Variants in WASHC5 observed in about 807,000 individuals in gnomAD.
WASHC5 encodes WASH complex subunit strumpellin.
In WASHC5, 101 loss-of-function variants were observed where a neutral mutation model predicts 150.4. The ratio of observed to expected loss-of-function variants is 0.67; its 90% CI spans 0.57 to 0.79. The LOEUF is 0.79. Among genes scored for constraint, WASHC5 ranks in the 30% least tolerant of loss-of-function variants. WASHC5 has a pLI of 0.00. For missense variants in WASHC5, 1,195 were observed against 1,396.3 expected, an observed-to-expected ratio of 0.86 and a Z score of 2.30; for synonymous variants, 467 against 491.2, an observed-to-expected ratio of 0.95 and a Z score of 0.65.
intron 21 of WASHC5, 60 bp from the exon 22 acceptor site, chr8:125,044,154 C>T (rs765858725): frequency 1.8e-6 from 2 of 1,118,902 alleles, no homozygotes; most frequent in Non-Finnish European, 2.7e-6. Flanking sequence ...AGCAAATTCT[C>T]CAGTTACCTA....
In WASHC5 at chr8:125,043,836, C is replaced by A; in HGVS notation, c.2839G>T (p.Ala947Ser). The A allele has an allele frequency of 6.2e-7, 1 of 1,608,430 alleles. No homozygotes were observed. Among genetic ancestry groups the A allele is most frequent in the Non-Finnish European group, 8.5e-7 (1 of 1,174,992 alleles). The change falls in exon 23 of 29, where the codon GCT becomes TCT. Residue 947 changes from alanine (A) to serine (S), a missense_variant. Ala to Ser is a moderately conservative substitution (Grantham distance 99, BLOSUM62 1). Coordinates refer to ENST00000318410, the MANE Select transcript of WASHC5 (RefSeq NM_014846.4). ...CTTCTACAACATACCTTCATTATAG[C>A]CTCGAGATACGCAGTCCAAATCTTC... ...TQKIWTAYLEAIMKVGQMQIL... is the reference protein window; with the variant it reads ...TQKIWTAYLESIMKVGQMQIL...
intron 17 of WASHC5, among the ~76,000 whole-genome samples, chr8:125,053,868 C>T (rs1448176923): frequency 6.6e-6 from 1 of 152,066 alleles, no homozygotes; most frequent in Non-Finnish European, 1.5e-5. Context: ...CTTGGGAGAA[C>T]AAAATTAGAA....
At position 125,024,519 on chromosome 8, in the gene WASHC5, G is replaced by A. The variant is rs967335737; in HGVS notation, c.*98C>T. 1.1e-6 allele frequency: 1 copy of A among 893,034 alleles called. No homozygotes were observed. Among genetic ancestry groups the A allele is most frequent in the Non-Finnish European group, 1.9e-6 (1 of 527,194 alleles). The allele number at this position is 893,034 out of a possible 1,614,324, so 55.3% of individuals were successfully genotyped here. A position where few individuals can be genotyped will look rare whatever the true frequency, so the allele number is the denominator to read the frequency against. The stretch of plus-strand genomic sequence containing the variant: ...TCCCATAATAGACAGAAAAAATGCA[G>A]TTGTATGAGCAACTGAGTTTCTTTT... On this transcript the variant is annotated 3_prime_UTR_variant, in exon 29 of 29. Coordinates refer to ENST00000318410, the MANE Select transcript of WASHC5 (RefSeq NM_014846.4).
intron 5 of WASHC5, among the ~76,000 whole-genome samples, chr8:125,080,552 T>C (rs1338351059): frequency 2.0e-5 from 3 of 152,212 alleles, no homozygotes; most frequent in African/African-American, 4.8e-5. Context: ...TACTTTGTCC[T>C]AATTTTTAAG....
At chr8:125,027,262 T>G (rs75689290) in intron 28 of WASHC5, among the ~76,000 whole-genome samples, 4,488 of 152,322 alleles carry the variant, frequency 0.029, 128 homozygotes, top group South Asian at 0.16. Context: ...GCAATCCCAC[T>G]ACTGGGTAAC....
At chr8:125,039,979 A>G in intron 23 of WASHC5, 81 bp from the exon 24 acceptor site, 1 of 863,390 alleles carries the variant, frequency 1.2e-6, no homozygotes, top group Non-Finnish European at 1.9e-6. Flanking sequence ...CAAAGATGAC[A>G]ATTCTTCACT....
At chr8:125,040,198 T>C (rs1372418343) in intron 23 of WASHC5, among the ~76,000 whole-genome samples, 1 of 152,220 alleles carries the variant, frequency 6.6e-6, no homozygotes, top group Non-Finnish European at 1.5e-5. Context: ...AAGATGTCTT[T>C]TTTGAAGCTA....
At chr8:125,042,660 C>T (rs184033727) in intron 23 of WASHC5, among the ~76,000 whole-genome samples, 1 of 152,172 alleles carries the variant, frequency 6.6e-6, no homozygotes, top group Admixed American at 6.5e-5. Context: ...ACGCCTCCTA[C>T]AGAGTTGGGA....
chr8:125,085,591 G>C (rs1817397090), intron 1 of WASHC5, among the ~76,000 whole-genome samples: 1 of 152,176 alleles, frequency 6.6e-6, no homozygotes. Flanking sequence ...ATGTTTTCCT[G>C]TACACATAAG....
intron 20 of WASHC5, among the ~76,000 whole-genome samples, chr8:125,046,982 G>C (rs979992184): frequency 1.3e-5 from 2 of 152,202 alleles, no homozygotes; most frequent in African/African-American, 2.4e-5. Context: ...GGTAATGCTT[G>C]CTTGCCCATC....
chr8:125,091,379 A>C (rs928705436), intron 1 of WASHC5, among the ~76,000 whole-genome samples: 1 of 152,148 alleles, frequency 6.6e-6, no homozygotes, highest in Non-Finnish European at 1.5e-5. Flanking sequence ...ATTCGGACCA[A>C]GCAGCTGAAC....
At chr8:125,045,875 T>C (rs1280234404) in intron 20 of WASHC5, among the ~76,000 whole-genome samples, 1 of 152,194 alleles carries the variant, frequency 6.6e-6, no homozygotes, top group Non-Finnish European at 1.5e-5. Context: ...CCTGCACTAA[T>C]AGGGCACTGG....
chr8:125,074,891 A>G (rs1463547149), intron 8 of WASHC5, 107 bp downstream of exon 8: 7 of 763,650 alleles, frequency 9.2e-6, no homozygotes, highest in Admixed American at 1.8e-5. Context: ...GCATTAAATT[A>G]TCTAAGTGAT....
intron 25 of WASHC5, among the ~76,000 whole-genome samples, chr8:125,037,977 C>T (rs1586339295): frequency 1.3e-5 from 2 of 152,226 alleles, no homozygotes; most frequent in Admixed American, 6.5e-5. Context: ...GGGCTCTGGT[C>T]AGACTGCCTG....
At chr8:125,031,887 T>C (rs1431020039) in intron 27 of WASHC5, among the ~76,000 whole-genome samples, 1 of 152,176 alleles carries the variant, frequency 6.6e-6, no homozygotes, top group Admixed American at 6.5e-5. Flanking sequence ...GAATCATCTC[T>C]TGGCAGTGGC....
At chr8:125,080,931 A>G (rs1022249321) in intron 5 of WASHC5, among the ~76,000 whole-genome samples, 1 of 152,216 alleles carries the variant, frequency 6.6e-6, no homozygotes, top group Non-Finnish European at 1.5e-5. Flanking sequence ...TGACAACAGA[A>G]AGCACACTTA....
chr8:125,036,079 T>G (rs906145623), intron 26 of WASHC5, among the ~76,000 whole-genome samples: 1 of 152,222 alleles, frequency 6.6e-6, no homozygotes, highest in African/African-American at 2.4e-5. Context: ...AAGGCTTTGG[T>G]GTCTCTTGTT....
At chr8:125,065,686 C>T (rs940024412) in intron 10 of WASHC5, among the ~76,000 whole-genome samples, 2 of 150,372 alleles carry the variant, frequency 1.3e-5, no homozygotes, top group Non-Finnish European at 2.9e-5. Flanking sequence ...GGCATGATCT[C>T]GGCTCATTGC....
chr8:125,024,421 T>C lies in WASHC5; in HGVS notation c.*196A>G, dbSNP rs541194937. 4 of 625,166 alleles carry C rather than the reference T, an allele frequency of 6.4e-6. No homozygotes were observed. In the East Asian group the frequency reaches 1.1e-4, roughly 18 times the overall value. 38.7% of individuals were successfully genotyped at this position (625,166 alleles called of 1,614,324 possible). On this transcript the variant is annotated 3_prime_UTR_variant, in exon 29 of 29. Transcript: ENST00000318410. ...TTTATCTGATATAAATTGCATGTAA[T>C]ACCATGATTTAAACAATATCAGTTA... is the stretch of plus-strand genomic sequence containing the variant.
Sources: gnomAD v4.1 joint callset for allele counts (sites outside exome capture counted in the v4.1 genomes callset) on GRCh38, gnomAD v4.1.1 for gene constraint, MANE v1.5 for transcripts, NCBI Gene and HGNC (gene_info 2026-07-23, HGNC 2026-07-21) for gene names.